Variants in CHRNA9 observed in about 807,000 individuals in gnomAD.
The protein encoded by CHRNA9 is cholinergic receptor nicotinic alpha 9 subunit.
A neutral mutation model predicts 36.8 loss-of-function variants in CHRNA9; 24 were observed. That is an observed-to-expected ratio of 0.65 (90% CI 0.47 to 0.92). The LOEUF is 0.92. Among genes scored for constraint, CHRNA9 ranks in the 40% least tolerant of loss-of-function variants. CHRNA9 has a pLI of 0.00. For synonymous variants in CHRNA9, 231 were observed against 231.8 expected, an observed-to-expected ratio of 1.00 and a Z score of 0.03; for missense variants, 610 against 601.2, an observed-to-expected ratio of 1.01 and a Z score of -0.15.
At position 40,354,100 on chromosome 4, in the gene CHRNA9, C is replaced by A; in HGVS notation, c.1020C>A (p.Val340=). The A allele has an allele frequency of 1.9e-6, 3 of 1,614,186 alleles. No homozygotes were observed. The highest frequency in any genetic ancestry group is 2.5e-6 in the Non-Finnish European group (3 of 1,180,028). The change falls in exon 5 of 5, where the codon GTC becomes GTA. Residue 340 remains valine (V), a synonymous_variant. Coordinates refer to ENST00000310169, the MANE Select transcript of CHRNA9 (RefSeq NM_017581.4). ...ARPVPHWARV[V]ILKYMSRVLF... Reference sequence around the variant, plus strand: ...CGGTGCCACACTGGGCCAGGGTGGTCATCCTGAAATACATGTCCAGGGTCT... The same window carrying A: ...CGGTGCCACACTGGGCCAGGGTGGTAATCCTGAAATACATGTCCAGGGTCT...
At chr4:40,350,457 C>T (rs1038835182) in intron 4 of CHRNA9, among the ~76,000 whole-genome samples, 14 of 152,044 alleles carry the variant, frequency 9.2e-5, no homozygotes, top group South Asian at 2.1e-4. Flanking sequence ...ACCTCCATCT[C>T]GAGGAGTTGC....
At chr4:40,352,245 A>G (rs1712821583) in intron 4 of CHRNA9, among the ~76,000 whole-genome samples, 1 of 152,204 alleles carries the variant, frequency 6.6e-6, no homozygotes. Flanking sequence ...TTTTTAAGAC[A>G]TAGTCTAGCT....
chr4:40,344,385 T>A (rs1712579598), intron 3 of CHRNA9, among the ~76,000 whole-genome samples: 1 of 151,950 alleles, frequency 6.6e-6, no homozygotes, highest in Non-Finnish European at 1.5e-5. Flanking sequence ...TACAAAAAAA[T>A]TAGCCAGATA....
intron 4 of CHRNA9, among the ~76,000 whole-genome samples, chr4:40,352,152 T>A (rs1249107730): frequency 6.6e-6 from 1 of 152,232 alleles, no homozygotes; most frequent in Non-Finnish European, 1.5e-5. Flanking sequence ...GTGTTCTTTA[T>A]TCTTGCACTA....
At chr4:40,353,174 G>C (rs928734582) in intron 4 of CHRNA9, among the ~76,000 whole-genome samples, 2 of 152,052 alleles carry the variant, frequency 1.3e-5, no homozygotes, top group Non-Finnish European at 2.9e-5. Context: ...GCTGGGATTT[G>C]AATCCAGGAA....
At chr4:40,335,691 C>G in intron 1 of CHRNA9, 136 bp from the exon 2 acceptor site, 1 of 1,027,768 alleles carries the variant, frequency 9.7e-7, no homozygotes, top group Non-Finnish European at 1.5e-6. Flanking sequence ...GCCAGAAAAA[C>G]AACTCATCCA....
intron 3 of CHRNA9, among the ~76,000 whole-genome samples, chr4:40,344,741 T>A (rs537448628): frequency 1.3e-5 from 2 of 152,144 alleles, no homozygotes; most frequent in African/African-American, 2.4e-5. Context: ...GATATTTTTA[T>A]GAGAAGTAAA....
At chr4:40,336,721 T>C (rs774346772) in intron 2 of CHRNA9, among the ~76,000 whole-genome samples, 6 of 152,004 alleles carry the variant, frequency 3.9e-5, no homozygotes, top group Non-Finnish European at 7.4e-5. Context: ...ACCTCATGAT[T>C]CGCCCGCCTC....
Position 40,348,881 on chromosome 4 carries a change from GGGC to G in CHRNA9, c.366_368del (p.Lys122_Ala123delinsAsn). 1 of 1,610,624 alleles carries G rather than the reference GGGC, an allele frequency of 6.2e-7. No individual in the cohort carries two copies. Among genetic ancestry groups the G allele is most frequent in the African/African-American group, 1.3e-5 (1 of 74,976 alleles). ...TTTCATTTTCCTTATCTGACCTTCA[GGGC>G]TGATGATGAATCTTCAGAGCCTGTG... On this transcript the variant is annotated inframe_deletion and splice_region_variant, in exon 4 of 5. Coordinates refer to ENST00000310169, the MANE Select transcript of CHRNA9 (RefSeq NM_017581.4).
In CHRNA9 at chr4:40,335,382, T is replaced by A. The variant is rs1712283166; in HGVS notation, c.-86T>A. The stretch of plus-strand genomic sequence containing the variant: ...ATAAGGCTGCAGCGGTGTGGGCTCC[T>A]TGTGCCCAGATCCTTTGTATTCATA... On this transcript the variant is annotated 5_prime_UTR_variant, in exon 1 of 5. It adds an upstream start codon to the 5' untranslated region. Coordinates refer to ENST00000310169, the MANE Select transcript of CHRNA9 (RefSeq NM_017581.4). The A allele has an allele frequency of 1.9e-6, 2 of 1,037,528 alleles. No homozygotes were observed. Among genetic ancestry groups the A allele is most frequent in the Non-Finnish European group, 3.0e-6 (2 of 656,708 alleles). 64.3% of individuals were successfully genotyped at this position (1,037,528 alleles called of 1,614,324 possible).
chr4:40,339,598 G>A (rs905247089), intron 3 of CHRNA9, among the ~76,000 whole-genome samples: 8 of 149,790 alleles, frequency 5.3e-5, no homozygotes, highest in African/African-American at 1.2e-4. Flanking sequence ...CCCGGGAGGC[G>A]GAGCTTGCAG....
At chr4:40,343,749 C>T (rs1673336877) in intron 3 of CHRNA9, among the ~76,000 whole-genome samples, 1 of 152,088 alleles carries the variant, frequency 6.6e-6, no homozygotes, top group South Asian at 2.1e-4. Context: ...TAGTTGAGAA[C>T]AAGAAAACAC....
At chr4:40,344,654 T>G (rs1712587856) in intron 3 of CHRNA9, among the ~76,000 whole-genome samples, 1 of 152,150 alleles carries the variant, frequency 6.6e-6, no homozygotes, top group Non-Finnish European at 1.5e-5. Flanking sequence ...TAATGCCCAT[T>G]TTTACAGGTG....
At chr4:40,342,110 G>A (rs73146119) in intron 3 of CHRNA9, among the ~76,000 whole-genome samples, 21,432 of 152,086 alleles carry the variant, frequency 0.14, 1,559 homozygotes, top group African/African-American at 0.16. Flanking sequence ...TGAGGAACTG[G>A]GTGCCCTATT....
chr4:40,350,787 T>C (rs1210242588), intron 4 of CHRNA9, among the ~76,000 whole-genome samples: 1 of 151,136 alleles, frequency 6.6e-6, no homozygotes, highest in Non-Finnish European at 1.5e-5. Flanking sequence ...AGGAGATGTA[T>C]TGGCATTTTA....
Position 40,354,245 on chromosome 4 carries a change from G to C in CHRNA9, c.1165G>C (p.Asp389His). The C allele has an allele frequency of 6.2e-7, 1 of 1,614,222 alleles. No homozygotes were observed. ...ESNLKAARNK[D>H]LSRKKDMNKR... is the part of the protein sequence containing the mutation. ...TAACCTGAAAGCAGCCAGGAACAAA[G>C]ACCTTTCCAGAAAGAAGGACATGAA... The change falls in exon 5 of 5, where the codon GAC becomes CAC. Residue 389 changes from aspartate (D) to histidine (H), a missense_variant. Transcript: ENST00000310169.
intron 3 of CHRNA9, among the ~76,000 whole-genome samples, chr4:40,343,137 G>A (rs925470347): frequency 6.6e-6 from 1 of 152,164 alleles, no homozygotes; most frequent in Non-Finnish European, 1.5e-5. Flanking sequence ...CCAGGAATGG[G>A]CTTCTTACAG....
rs140958574 is a variant in CHRNA9, at chr4:40,354,246, A to G, written c.1166A>G (p.Asp389Gly). The change falls in exon 5 of 5, where the codon GAC becomes GGC. Residue 389 changes from aspartate to glycine, a missense_variant. Asp to Gly is a moderately conservative substitution (Grantham distance 94). Transcript: ENST00000310169. Reference protein sequence around the residue: ...ESNLKAARNKDLSRKKDMNKR... With the variant: ...ESNLKAARNKGLSRKKDMNKR... ...AACCTGAAAGCAGCCAGGAACAAAG[A>G]CCTTTCCAGAAAGAAGGACATGAAC... is the stretch of plus-strand genomic sequence containing the variant. 227 of 1,614,184 alleles carry G rather than the reference A, an allele frequency of 1.4e-4. No individual in the cohort carries two copies. The African/African-American group carries it at 2.8e-3, about 20-fold the overall frequency.
intron 3 of CHRNA9, chr4:40,347,776 T>C (rs1162991346): frequency 6.6e-6 from 1 of 152,216 alleles, no homozygotes; most frequent in Non-Finnish European, 1.5e-5. Context: ...AATGTACTTT[T>C]TCTGTTCCAG....
Sources: gnomAD v4.1 joint callset for allele counts (sites outside exome capture counted in the v4.1 genomes callset) on GRCh38, gnomAD v4.1.1 for gene constraint, MANE v1.5 for transcripts, NCBI Gene and HGNC (gene_info 2026-07-23, HGNC 2026-07-21) for gene names.